EPS15: variants seen among roughly 807,000 people sequenced by gnomAD.
EPS15 encodes epidermal growth factor receptor substrate 15.
A neutral mutation model predicts 113.8 loss-of-function variants in EPS15; 72 were observed. That is an observed-to-expected ratio of 0.63 (90% confidence interval 0.52 to 0.77). The LOEUF (loss-of-function observed/expected upper bound fraction) is 0.77, where lower values mean the gene tolerates loss of function less well. Among genes scored for constraint, EPS15 ranks in the 30% least tolerant of loss-of-function variants. The pLI is 0.00. For synonymous variants in EPS15, 344 were observed against 363.4 expected, an observed-to-expected ratio of 0.95 and a Z score of 0.61; for missense variants, 1,048 against 1,045.8, an observed-to-expected ratio of 1.00 and a Z score of -0.03.
chr1:51,370,971 G>T (rs571289127), intron 21 of EPS15, among the ~76,000 whole-genome samples: 1 of 151,900 alleles, frequency 6.6e-6, no homozygotes, highest in Admixed American at 6.6e-5. Context: ...GCTGGAGTGC[G>T]GTCGTGCGAT....
At chr1:51,442,868 A>G (rs1283810338) in intron 11 of EPS15, among the ~76,000 whole-genome samples, 1 of 152,192 alleles carries the variant, frequency 6.6e-6, no homozygotes, top group Admixed American at 6.5e-5. Flanking sequence ...GGCGAAAAGC[A>G]GAGTGCTGCA....
At chr1:51,471,799 A>G (rs1349319955) in intron 3 of EPS15, 62 bp from the exon 4 acceptor site, 18 of 1,185,186 alleles carry the variant, frequency 1.5e-5, no homozygotes, top group Non-Finnish European at 2.1e-5. Context: ...TGAATGATAA[A>G]TTAAATCTCT....
At chr1:51,443,787 G>C (rs1485113288) in intron 11 of EPS15, among the ~76,000 whole-genome samples, 3 of 151,844 alleles carry the variant, frequency 2.0e-5, no homozygotes, top group African/African-American at 4.8e-5. Context: ...CGAGTAGCTA[G>C]AACTACAGGT....
At chr1:51,409,736 G>A (rs1481230480) in intron 13 of EPS15, 40 bp from the exon 14 acceptor site, 1 of 1,388,952 alleles carries the variant, frequency 7.2e-7, no homozygotes. Context: ...TTTCTTTGCG[G>A]GCAGGGGAGG....
intron 1 of EPS15, among the ~76,000 whole-genome samples, chr1:51,484,487 C>T (rs774668194): frequency 8.6e-5 from 13 of 151,828 alleles, no homozygotes; most frequent in Non-Finnish European, 1.6e-4. Context: ...ACACTAAAAC[C>T]AGAATGGATT....
At chr1:51,385,976 A>C (rs1198715268) in intron 21 of EPS15, among the ~76,000 whole-genome samples, 1 of 152,214 alleles carries the variant, frequency 6.6e-6, no homozygotes, top group Non-Finnish European at 1.5e-5. Context: ...TTGCACAACA[A>C]TGTGAATGTA....
chr1:51,465,732 C>T (rs577653120), intron 5 of EPS15, among the ~76,000 whole-genome samples: 3 of 152,074 alleles, frequency 2.0e-5, no homozygotes, highest in African/African-American at 7.2e-5. Context: ...GGGATTTCAC[C>T]ATGTTAAGCA....
chr1:51,443,283 G>A (rs578227209), intron 11 of EPS15, among the ~76,000 whole-genome samples: 1 of 150,946 alleles, frequency 6.6e-6, no homozygotes, highest in African/African-American at 2.4e-5. Flanking sequence ...AATTGAATAG[G>A]TTATAAAATG....
chr1:51,462,340 G>A (rs1459481495), intron 7 of EPS15, among the ~76,000 whole-genome samples: 1 of 150,236 alleles, frequency 6.7e-6, no homozygotes, highest in East Asian at 1.9e-4. Context: ...TCCAGCCTGG[G>A]TAACAAATGC....
rs55806131 is a variant in EPS15 at position 51,415,796 on chromosome 1, CAAAAAAAAAAAAAAA to C, written c.1113+5975_1113+5989del. On this transcript the variant is annotated intron_variant, in intron 13 of 24. Coordinates refer to ENST00000371733, the MANE Select transcript of EPS15 (RefSeq NM_001981.3). ...GGGCAACAAGAGCAAAACTCCGTCT[CAAAAAAAAAAAAAAA>C]AAAAAAAAAAAAAAAAAAAATTCCA... 3.0e-3 allele frequency among the ~76,000 whole-genome samples: 65 copies of C among 21,986 alleles called. 1 individual carries two copies. The South Asian group carries it at 0.12, about 39-fold the overall frequency. 14.4% of individuals were successfully genotyped at this position (21,986 alleles called of 152,430 possible). A position where few individuals can be genotyped will look rare whatever the true frequency, so the allele number is the denominator to read the frequency against.
intron 21 of EPS15, chr1:51,372,795 A>G: frequency 2.3e-6 from 1 of 432,944 alleles, no homozygotes. Flanking sequence ...ACAAGACATC[A>G]AAGATGCTAC....
chr1:51,364,084 A>AC, intron 22 of EPS15, 56 bp from the exon 23 acceptor site: 1 of 1,313,748 alleles, frequency 7.6e-7, no homozygotes, highest in Admixed American at 2.2e-5. Flanking sequence ...TGTGGTAGTC[A>AC]TGTAGCATTC....
At chr1:51,408,897 T>TCACACCATTCTCCTGGCTC (rs1557440328) in intron 14 of EPS15, among the ~76,000 whole-genome samples, 4 of 151,764 alleles carry the variant, frequency 2.6e-5, no homozygotes, top group Non-Finnish European at 4.4e-5. Flanking sequence ...CCTCCTGGGT[T>TCACACCATTCTCCTGGCTC]CACACCATTC....
chr1:51,362,402 T>C (rs1646407641), intron 23 of EPS15, among the ~76,000 whole-genome samples: 1 of 152,226 alleles, frequency 6.6e-6, no homozygotes, highest in South Asian at 2.1e-4. Flanking sequence ...TTTTCCTTAA[T>C]CTTTTTACAA....
intron 9 of EPS15, among the ~76,000 whole-genome samples, chr1:51,447,661 G>T (rs1653176857): frequency 6.6e-6 from 1 of 152,052 alleles, no homozygotes; most frequent in Admixed American, 6.5e-5. Context: ...TATTAATTAT[G>T]CCAGGGCAAA....
At chr1:51,401,906 A>G (rs1008733502) in intron 18 of EPS15, among the ~76,000 whole-genome samples, 9 of 152,236 alleles carry the variant, frequency 5.9e-5, no homozygotes, top group Non-Finnish European at 1.2e-4. Context: ...TGGGAGGCCA[A>G]CGTGGGCGGA....
chr1:51,451,286 C>T (rs540383403), intron 8 of EPS15, among the ~76,000 whole-genome samples: 5 of 151,314 alleles, frequency 3.3e-5, no homozygotes, highest in African/African-American at 4.9e-5. Context: ...GTCAGGAGTT[C>T]GAAACCAGCC....
At chr1:51,374,535 C>T (rs1030043363) in intron 21 of EPS15, among the ~76,000 whole-genome samples, 37 of 152,030 alleles carry the variant, frequency 2.4e-4, no homozygotes, top group Middle Eastern at 6.8e-3. Flanking sequence ...ACCTGGGAGG[C>T]GGAGGTTGCA....
chr1:51,471,282 T>C (rs958280692), intron 4 of EPS15, among the ~76,000 whole-genome samples: 3 of 152,248 alleles, frequency 2.0e-5, no homozygotes, highest in African/African-American at 4.8e-5. Flanking sequence ...TTTTGGTTTA[T>C]ATATCAGGAG....
Sources: gnomAD v4.1 joint callset for allele counts (sites outside exome capture counted in the v4.1 genomes callset) on GRCh38, gnomAD v4.1.1 for gene constraint, MANE v1.5 for transcripts, NCBI Gene and HGNC (gene_info 2026-07-23, HGNC 2026-07-21) for gene names.